ATF7IP: variants seen among roughly 807,000 people sequenced by gnomAD.
ATF7IP encodes the protein activating transcription factor 7-interacting protein 1.
A neutral mutation model predicts 106.4 loss-of-function variants in ATF7IP; 23 were observed. That is an observed-to-expected ratio of 0.22 (90% CI 0.16 to 0.31). The LOEUF (loss-of-function observed/expected upper bound fraction) is 0.31. ATF7IP is among the 10% of genes least tolerant of loss of function. The pLI, the probability that ATF7IP is intolerant of heterozygous loss-of-function variation, is 1.00. For missense variants in ATF7IP, 1,334 were observed against 1,524.3 expected, an observed-to-expected ratio of 0.88 and a Z score of 2.08; for synonymous variants, 542 against 539.0, an observed-to-expected ratio of 1.01 and a Z score of -0.08.
chr12:14,468,262 C>T (rs575899130), intron 10 of ATF7IP, among the ~76,000 whole-genome samples: 1 of 140,478 alleles, frequency 7.1e-6, no homozygotes, highest in East Asian at 2.1e-4. Context: ...AGCGAAACTC[C>T]ATCCCATCTC....
chr12:14,413,513 G>T (rs1941039136), intron 1 of ATF7IP, among the ~76,000 whole-genome samples: 1 of 152,036 alleles, frequency 6.6e-6, no homozygotes, highest in Non-Finnish European at 1.5e-5. Context: ...GCATAAGAAG[G>T]GTTCCTGTGC....
At chr12:14,474,228 T>C (rs1276686606) in intron 10 of ATF7IP, among the ~76,000 whole-genome samples, 1 of 151,918 alleles carries the variant, frequency 6.6e-6, no homozygotes, top group Non-Finnish European at 1.5e-5. Context: ...TGATCTAGCA[T>C]CAATTTCATT....
intron 1 of ATF7IP, among the ~76,000 whole-genome samples, chr12:14,383,615 T>C (rs1469048316): frequency 6.6e-6 from 1 of 152,212 alleles, no homozygotes; most frequent in Non-Finnish European, 1.5e-5. Context: ...TGGAGTGCAG[T>C]GGTTCAAGTT....
At chr12:14,494,059 T>G (rs1188285152) in intron 13 of ATF7IP, among the ~76,000 whole-genome samples, 2 of 151,774 alleles carry the variant, frequency 1.3e-5, no homozygotes, top group Non-Finnish European at 1.5e-5. Context: ...TCAAATGCAT[T>G]TATTTTGCAT....
chr12:14,424,451 C>T lies in ATF7IP; in HGVS notation c.536C>T (p.Ala179Val), dbSNP rs1279242015. 2 of 1,611,552 alleles carry T rather than the reference C, an allele frequency of 1.2e-6. No individual in the cohort carries two copies. The highest frequency in any genetic ancestry group is 2.2e-5 in the East Asian group (1 of 44,868). The change falls in exon 2 of 15, where the codon GCC becomes GTC. Residue 179 changes from alanine (A) to valine (V), a missense_variant. Around this residue, in one of 10 missense-constraint regions of ATF7IP, gnomAD observed 438 missense variants for 405.3 expected, o/e 1.08. Coordinates refer to ENST00000261168, the MANE Select transcript of ATF7IP (RefSeq NM_018179.5). ...AASGDATSGD[A>V]PSGDVSPGDA... Reference sequence around the variant, plus strand: ...TCTGGTGATGCAACCTCTGGTGATGCCCCTTCTGGTGATGTGTCCCCTGGT... The same window carrying T: ...TCTGGTGATGCAACCTCTGGTGATGTCCCTTCTGGTGATGTGTCCCCTGGT...
intron 1 of ATF7IP, among the ~76,000 whole-genome samples, chr12:14,370,862 A>G (rs540438724): frequency 1.1e-4 from 17 of 152,184 alleles, no homozygotes; most frequent in African/African-American, 3.6e-4. Context: ...AGTATTGTAC[A>G]ATATTCGAAA....
At chr12:14,427,976 G>A (rs1156634060) in intron 2 of ATF7IP, among the ~76,000 whole-genome samples, 2 of 152,050 alleles carry the variant, frequency 1.3e-5, no homozygotes, top group Admixed American at 6.6e-5. Context: ...TTATGATGGC[G>A]CTGGAATGCC....
At chr12:14,388,635 C>T (rs1939379573) in intron 1 of ATF7IP, among the ~76,000 whole-genome samples, 1 of 152,284 alleles carries the variant, frequency 6.6e-6, no homozygotes, top group South Asian at 2.1e-4. Context: ...GCATGAGCCA[C>T]TGCGCCCAGC....
At chr12:14,490,682 C>T (rs959987536) in intron 13 of ATF7IP, among the ~76,000 whole-genome samples, 2 of 152,180 alleles carry the variant, frequency 1.3e-5, no homozygotes, top group African/African-American at 2.4e-5. Flanking sequence ...ATCACAGGGA[C>T]TCCCCATGAG....
At chr12:14,404,557 A>G (rs1473777339) in intron 1 of ATF7IP, among the ~76,000 whole-genome samples, 1 of 152,184 alleles carries the variant, frequency 6.6e-6, no homozygotes, top group East Asian at 1.9e-4. Context: ...CTTTAGACCT[A>G]ACGATGTTAA....
At chr12:14,417,002 T>G in intron 1 of ATF7IP, 3 of 942,754 alleles carry the variant, frequency 3.2e-6, no homozygotes, top group Non-Finnish European at 3.8e-6. Flanking sequence ...AAATGAGGTT[T>G]ATTTTTAAAA....
At chr12:14,470,703 A>G (rs1025280011) in intron 10 of ATF7IP, among the ~76,000 whole-genome samples, 1 of 152,236 alleles carries the variant, frequency 6.6e-6, no homozygotes, top group African/African-American at 2.4e-5. Context: ...ATGCATGTAA[A>G]GCATTTAGCA....
chr12:14,397,718 AAATATC>A (rs34396938), intron 1 of ATF7IP, among the ~76,000 whole-genome samples: 45,428 of 151,670 alleles, frequency 0.3, 8,263 homozygotes, highest in Admixed American at 0.45. Flanking sequence ...TTTCTAGGCT[AAATATC>A]AATATCTTTT....
intron 1 of ATF7IP, among the ~76,000 whole-genome samples, chr12:14,412,880 G>T (rs993935915): frequency 1.3e-5 from 2 of 152,004 alleles, no homozygotes. Context: ...CAGGCTTGGT[G>T]GTTCACACCT....
At chr12:14,400,161 CTG>C (rs769472297) in intron 1 of ATF7IP, among the ~76,000 whole-genome samples, 4 of 152,116 alleles carry the variant, frequency 2.6e-5, no homozygotes, top group African/African-American at 4.8e-5. Flanking sequence ...AATTGAAAGT[CTG>C]TATTTGTATC....
chr12:14,368,115 A>G (rs573541919), intron 1 of ATF7IP, among the ~76,000 whole-genome samples: 131 of 152,220 alleles, frequency 8.6e-4, no homozygotes, highest in African/African-American at 3.1e-3. Context: ...GTATTTAAAT[A>G]TTTTTAAACT....
Position 14,391,911 on chromosome 12 carries a change from G to A in ATF7IP, c.-8+26084G>A, listed in dbSNP as rs569214221. On this transcript the variant is annotated intron_variant, in intron 1 of 14. Coordinates refer to ENST00000261168, the MANE Select transcript of ATF7IP (RefSeq NM_018179.5). ...TAATTTTGTATTTTTAGTAGACACG[G>A]GGTTTCACCATGTTGGCCAGGTTGG... is the stretch of plus-strand genomic sequence containing the variant. Among the ~76,000 whole-genome samples the A allele has an allele frequency of 1.2e-3, 176 of 152,204 alleles. 1 individual carries two copies. Among genetic ancestry groups the A allele is most frequent in the African/African-American group, 4.0e-3 (166 of 41,524 alleles).
chr12:14,461,422 G>A (rs1207311307), intron 9 of ATF7IP, among the ~76,000 whole-genome samples: 1 of 151,986 alleles, frequency 6.6e-6, no homozygotes, highest in Non-Finnish European at 1.5e-5. Flanking sequence ...AGCATTATGA[G>A]TTACTTTTAT....
intron 13 of ATF7IP, among the ~76,000 whole-genome samples, chr12:14,495,735 T>C (rs951122505): frequency 6.6e-6 from 1 of 152,222 alleles, no homozygotes; most frequent in Admixed American, 6.5e-5. Flanking sequence ...TCTGGCTTTC[T>C]GTCCTGGTTG....
Sources: allele counts gnomAD v4.1 joint callset (sites outside exome capture counted in the v4.1 genomes callset), GRCh38; gene constraint gnomAD v4.1.1; regional missense constraint gnomAD v4.1.1; transcripts MANE v1.5; gene names NCBI Gene and HGNC (gene_info 2026-07-23, HGNC 2026-07-21).